The following OXNAD1 variants were observed in gnomAD, a reference collection of about 807,000 sequenced individuals.
OXNAD1 encodes the protein oxidoreductase NAD binding domain containing 1.
In OXNAD1, 34 loss-of-function variants were observed where a neutral mutation model predicts 32.9. That is an observed-to-expected ratio of 1.03 (90% CI 0.79 to 1.38). The LOEUF (loss-of-function observed/expected upper bound fraction) is 1.38, where lower values mean the gene tolerates loss of function less well. Among genes scored for constraint, OXNAD1 ranks in the 40% most tolerant of loss-of-function variants. OXNAD1 has a pLI of 0.00. For missense variants in OXNAD1, 407 were observed against 379.4 expected (o/e 1.07, Z -0.60); for synonymous variants, 134 against 135.2 (o/e 0.99, Z 0.06).
intron 4 of OXNAD1, chr3:16,276,009 A>T (rs568812770): frequency 6.5e-6 from 1 of 153,996 alleles, no homozygotes; most frequent in South Asian, 2.0e-4. Flanking sequence ...TTTCCTAGTT[A>T]ATCTTGTTTA....
chr3:16,286,217 T>A (rs990091791), intron 4 of OXNAD1, 125 bp from the exon 5 acceptor site: 8 of 707,840 alleles, frequency 1.1e-5, no homozygotes, highest in African/African-American at 1.8e-5. Context: ...TGTTTTACCT[T>A]GTTTGGCAAT....
In OXNAD1 at chr3:16,334,310, G is replaced by T. The variant is rs981017452; in HGVS notation, c.*31-2802G>T. Among the ~76,000 whole-genome samples the T allele has an allele frequency of 6.6e-6, 1 of 152,220 alleles. No individual in the cohort carries two copies. The highest frequency in any genetic ancestry group is 1.5e-5 in the Non-Finnish European group (1 of 68,032). On this transcript the variant is annotated intron_variant, in intron 9 of 9. Coordinates refer to the OXNAD1 transcript ENST00000435829. The surrounding 1 kb of genome is among the most constrained non-coding windows in gnomAD (Gnocchi z 4.3). Reference sequence around the variant, plus strand: ...AAGCATGCGTTCTTGTACATTGCTAGTGGAAGGGCTCATTGATTCAACCCT... The same window carrying T: ...AAGCATGCGTTCTTGTACATTGCTATTGGAAGGGCTCATTGATTCAACCCT...
intron 2 of OXNAD1, among the ~76,000 whole-genome samples, chr3:16,270,679 T>G (rs1273492107): frequency 6.6e-6 from 1 of 152,194 alleles, no homozygotes; most frequent in Non-Finnish European, 1.5e-5. Context: ...GCCAGAGATT[T>G]TAGAAAGTGA....
At position 16,336,616 on chromosome 3, in the gene OXNAD1, C is replaced by G. The variant is rs574587774; in HGVS notation, c.*31-496C>G. Among the ~76,000 whole-genome samples, 1 of 152,256 alleles carries G rather than the reference C, an allele frequency of 6.6e-6. No homozygotes were observed. Among genetic ancestry groups the G allele is most frequent in the Admixed American group, 6.5e-5 (1 of 15,300 alleles). ...ACATAATAGAGTCTGAGAGAGCAGT[C>G]TTCTCATTTTAGACAACTTAGGCTT... On this transcript the variant is annotated intron_variant, in intron 9 of 9. Coordinates refer to the OXNAD1 transcript ENST00000435829. The surrounding 1 kb of genome is among the most constrained non-coding windows in gnomAD (Gnocchi z 6.0).
chr3:16,295,130 A>G, intron 6 of OXNAD1, 133 bp downstream of exon 6: 1 of 1,133,838 alleles, frequency 8.8e-7, no homozygotes, highest in Non-Finnish European at 1.2e-6. Context: ...AGAGCTTCTA[A>G]GAAAGGTCAA....
chr3:16,303,085 G>A lies in OXNAD1; in HGVS notation c.785-323G>A, dbSNP rs1315892164. On this transcript the variant is annotated intron_variant, in intron 8 of 8. Coordinates refer to ENST00000285083, the MANE Select transcript of OXNAD1 (RefSeq NM_138381.5). The surrounding 1 kb of genome is among the most constrained non-coding windows in gnomAD (Gnocchi z 4.8). ...ATTTAAACAACTCATAATTTCCTCT[G>A]AAAGGATTTTTATAAAACAGTTACT... 6.6e-6 allele frequency among the ~76,000 whole-genome samples: 1 copy of A among 152,184 alleles called. No individual in the cohort carries two copies. Among genetic ancestry groups the A allele is most frequent in the Non-Finnish European group, 1.5e-5 (1 of 68,032 alleles).
intron 5 of OXNAD1, among the ~76,000 whole-genome samples, chr3:16,292,379 T>TA (rs1336582484): frequency 1.3e-5 from 2 of 151,720 alleles, no homozygotes; most frequent in African/African-American, 2.4e-5. Flanking sequence ...TTTTAGTAGA[T>TA]ACGGGGTTTT....
At chr3:16,308,932 ATTT>A (rs1011319406), downstream of OXNAD1, among the ~76,000 whole-genome samples, 19 of 152,238 alleles carry the variant, frequency 1.2e-4, no homozygotes, top group African/African-American at 2.9e-4. The surrounding 1 kb of genome is among the most constrained non-coding windows in gnomAD (Gnocchi z 4.4). Context: ...TTGTTAAATA[ATTT>A]TTTAATTACC....
rs1314294621 is a variant in OXNAD1 at position 16,277,735 on chromosome 3, C to T, written c.183+6013C>T. On this transcript the variant is annotated intron_variant, in intron 4 of 8. Transcript: ENST00000285083. This position sits in a 1 kb window ranked among gnomAD's most constrained non-coding sequence, Gnocchi z 4.3. ...TCTTTTGGTTTTGGGCATGTATTTCCTCTGGAAAGTTTACTGAATGACCAT... is the reference window on the plus strand; with the variant it reads ...TCTTTTGGTTTTGGGCATGTATTTCTTCTGGAAAGTTTACTGAATGACCAT... 1.3e-5 allele frequency among the ~76,000 whole-genome samples: 2 copies of T among 152,178 alleles called. No individual in the cohort carries two copies. The highest frequency in any genetic ancestry group is 1.3e-4 in the Admixed American group (2 of 15,282).
rs1406128729 is a variant in OXNAD1 at position 16,277,394 on chromosome 3, T to G, written c.183+5672T>G. 6.6e-6 allele frequency among the ~76,000 whole-genome samples: 1 copy of G among 152,236 alleles called. No homozygotes were observed. The highest frequency in any genetic ancestry group is 1.5e-5 in the Non-Finnish European group (1 of 68,040). On this transcript the variant is annotated intron_variant, in intron 4 of 8. Coordinates refer to ENST00000285083, the MANE Select transcript of OXNAD1 (RefSeq NM_138381.5). The surrounding 1 kb of genome is among the most constrained non-coding windows in gnomAD (Gnocchi z 4.3). ...GTGCTCCTAGCCATAGAGTAGGGGC[T>G]GGACCCTGGACTCGTTGAAATGAAT...
chr3:16,299,129 GT>G lies in OXNAD1; in HGVS notation c.433-2495del, dbSNP rs1382475519. ...AAACAATAACCTAGAGGCTTTCTTT[GT>G]TGTCATTACTAAGCATGCCAAAGAT... On this transcript the variant is annotated intron_variant, in intron 6 of 8. Coordinates refer to ENST00000285083, the MANE Select transcript of OXNAD1 (RefSeq NM_138381.5). This position sits in a 1 kb window ranked among gnomAD's most constrained non-coding sequence, Gnocchi z 4.4. Among the ~76,000 whole-genome samples the G allele has an allele frequency of 6.6e-6, 1 of 152,092 alleles. No homozygotes were observed. Among genetic ancestry groups the G allele is most frequent in the Non-Finnish European group, 1.5e-5 (1 of 68,016 alleles).
chr3:16,313,389 T>C (rs377115519), intron 9 of OXNAD1, among the ~76,000 whole-genome samples: 9 of 152,042 alleles, frequency 5.9e-5, no homozygotes, highest in African/African-American at 2.2e-4. Flanking sequence ...GATGATGGGC[T>C]GGGAGTCCCT....
Position 16,271,434 on chromosome 3 carries a change from C to T in OXNAD1, c.120-225C>T, listed in dbSNP as rs184063492. On this transcript the variant is annotated intron_variant, in intron 3 of 8. Coordinates refer to ENST00000285083, the MANE Select transcript of OXNAD1 (RefSeq NM_138381.5). The surrounding 1 kb of genome is among the most constrained non-coding windows in gnomAD (Gnocchi z 4.6). ...GGCCAGGCTGGTCTCGTACTCCTGA[C>T]GTCAGATGATCTGCCTGCCTCGGCC... Among the ~76,000 whole-genome samples the T allele has an allele frequency of 4.4e-3, 676 of 152,240 alleles. 2 individuals carry two copies. Among genetic ancestry groups the T allele is most frequent in the African/African-American group, 0.015 (634 of 41,526 alleles).
intron 5 of OXNAD1, among the ~76,000 whole-genome samples, chr3:16,294,422 T>G (rs1315167931): frequency 6.6e-6 from 1 of 152,188 alleles, no homozygotes; most frequent in African/African-American, 2.4e-5. Flanking sequence ...TTGGTCAGGT[T>G]GGTCTCAAAC....
Position 16,297,773 on chromosome 3 carries a change from G to A in OXNAD1, c.432+2776G>A, listed in dbSNP as rs1340023207. ...TAAAATCCCATTTTTGTCACATTCT[G>A]GAAGACAAAGATATAATGATGGGAA... On this transcript the variant is annotated intron_variant, in intron 6 of 8. Coordinates refer to ENST00000285083, the MANE Select transcript of OXNAD1 (RefSeq NM_138381.5). This position sits in a 1 kb window ranked among gnomAD's most constrained non-coding sequence, Gnocchi z 4.3. 6.6e-6 allele frequency among the ~76,000 whole-genome samples: 1 copy of A among 152,106 alleles called. No homozygotes were observed. The highest frequency in any genetic ancestry group is 1.5e-5 in the Non-Finnish European group (1 of 68,028).
Position 16,345,786 on chromosome 3 carries a change from C to CTGTGTGTGTG in OXNAD1, c.*31-3389_*31-3388insGTGTGTGTGT, listed in dbSNP as rs1553726059. Among the ~76,000 whole-genome samples, 21 of 81,628 alleles carry CTGTGTGTGTG rather than the reference C, an allele frequency of 2.6e-4. No individual in the cohort carries two copies. Among genetic ancestry groups the CTGTGTGTGTG allele is most frequent in the African/African-American group, 5.4e-4 (10 of 18,572 alleles). 53.6% of individuals were successfully genotyped at this position (81,628 alleles called of 152,430 possible). On this transcript the variant is annotated intron_variant, in intron 9 of 9. Coordinates refer to the OXNAD1 transcript ENST00000606098. This position sits in a 1 kb window ranked among gnomAD's most constrained non-coding sequence, Gnocchi z 5.2. ...CATGAGCCAAAACCTTATAATAAAT[C>CTGTGTGTGTG]TCTGTGTGTGTGTGTGTGTGTGTGT...
At position 16,271,239 on chromosome 3, in the gene OXNAD1, C is replaced by A; in HGVS notation, c.119+168C>A. 2.5e-6 allele frequency: 2 copies of A among 802,376 alleles called. No individual in the cohort carries two copies. The highest frequency in any genetic ancestry group is 3.9e-6 in the Non-Finnish European group (2 of 518,228). 49.7% of individuals were successfully genotyped at this position (802,376 alleles called of 1,614,324 possible). On this transcript the variant is annotated intron_variant, in intron 3 of 8. Transcript: ENST00000285083. The surrounding 1 kb of genome is among the most constrained non-coding windows in gnomAD (Gnocchi z 4.6). ...TTTTGTCTGAGATGGAGTCTTGCTC[C>A]GTCGCCTGGGCTGGAGTGCAGTGGC...
chr3:16,313,205 A>AT (rs750491540), intron 9 of OXNAD1, among the ~76,000 whole-genome samples: 2,297 of 103,776 alleles, frequency 0.022, 131 homozygotes, highest in Middle Eastern at 0.038. Context: ...CACCCAGCGG[A>AT]TTTTTTTTTT....
At chr3:16,323,270 G>A (rs895588523) in intron 9 of OXNAD1, 39 of 796,302 alleles carry the variant, frequency 4.9e-5, no homozygotes, top group Non-Finnish European at 7.6e-5. Flanking sequence ...TGGGCTCTGC[G>A]AGCCCTTGGA....
Sources: allele counts gnomAD v4.1 joint callset (sites outside exome capture counted in the v4.1 genomes callset), GRCh38; gene constraint gnomAD v4.1.1; non-coding constraint Gnocchi (gnomAD v3.1); transcripts MANE v1.5; gene names NCBI Gene and HGNC (gene_info 2026-07-23, HGNC 2026-07-21).